Variants in PITPNC1 observed in about 807,000 individuals in gnomAD.
PITPNC1 encodes phosphatidylinositol transfer protein cytoplasmic 1.
A neutral mutation model predicts 44.7 loss-of-function variants in PITPNC1; 18 were observed. The ratio of observed to expected loss-of-function variants is 0.40; its 90% CI spans 0.28 to 0.60. The LOEUF (loss-of-function observed/expected upper bound fraction) is 0.60, where lower values mean the gene tolerates loss of function less well. Among genes scored for constraint, PITPNC1 ranks in the 20% least tolerant of loss-of-function variants. The pLI is 0.39. For missense variants in PITPNC1, 290 were observed against 418.4 expected (o/e 0.69, Z 2.68); for synonymous variants, 141 against 149.6 (o/e 0.94, Z 0.42).
At chr17:67,397,202 A>G (rs2143812513) in intron 1 of PITPNC1, among the ~76,000 whole-genome samples, 1 of 152,180 alleles carries the variant, frequency 6.6e-6, no homozygotes, top group Admixed American at 6.5e-5. Context: ...GCTGGTCTCG[A>G]ACTCCTGACC....
At chr17:67,647,464 G>GTTTTTTTTTTTTTTT (rs60407940) in intron 6 of PITPNC1, among the ~76,000 whole-genome samples, 3 of 72,326 alleles carry the variant, frequency 4.1e-5, no homozygotes, top group African/African-American at 1.3e-4. Flanking sequence ...CTAATTTTGG[G>GTTTTTTTTTTTTTTT]TTTTTTTTTT....
chr17:67,559,305 T>C (rs1466112926), intron 4 of PITPNC1, among the ~76,000 whole-genome samples: 1 of 151,848 alleles, frequency 6.6e-6, no homozygotes, highest in African/African-American at 2.4e-5. Context: ...TGTTAGGAAA[T>C]TAAAGAAAAA....
intron 6 of PITPNC1, among the ~76,000 whole-genome samples, chr17:67,666,791 A>G (rs1451025113): frequency 6.6e-6 from 1 of 152,182 alleles, no homozygotes; most frequent in Non-Finnish European, 1.5e-5. Context: ...CACCATAGCA[A>G]AAAGGTCCTA....
intron 1 of PITPNC1, among the ~76,000 whole-genome samples, chr17:67,423,949 C>G (rs1434213766): frequency 4.6e-5 from 7 of 152,098 alleles, no homozygotes; most frequent in Admixed American, 4.6e-4. Flanking sequence ...GAAAGTCACA[C>G]TTCTCTGAAA....
chr17:67,405,416 C>CA (rs11288377), intron 1 of PITPNC1, among the ~76,000 whole-genome samples: 1,855 of 133,270 alleles, frequency 0.014, 22 homozygotes, highest in Admixed American at 0.044. Context: ...GACCCTGTCT[C>CA]AAAAAAAAAA....
intron 5 of PITPNC1, among the ~76,000 whole-genome samples, chr17:67,598,386 C>T (rs756811423): frequency 3.3e-5 from 5 of 152,140 alleles, no homozygotes; most frequent in East Asian, 1.9e-4. Flanking sequence ...CCAACTAAGG[C>T]GAGGAATTTT....
At chr17:67,690,760 G>A (rs957882496) in intron 8 of PITPNC1, among the ~76,000 whole-genome samples, 1 of 152,050 alleles carries the variant, frequency 6.6e-6, no homozygotes, top group Admixed American at 6.6e-5. Context: ...TTCCCAGCAA[G>A]TAAAAATGGC....
At chr17:67,522,020 C>A (rs191385557) in intron 1 of PITPNC1, among the ~76,000 whole-genome samples, 1 of 152,064 alleles carries the variant, frequency 6.6e-6, no homozygotes, top group Non-Finnish European at 1.5e-5. Flanking sequence ...AAAGACCTCT[C>A]GGGCTGGGCA....
At chr17:67,627,786 C>G (rs183313876) in intron 5 of PITPNC1, among the ~76,000 whole-genome samples, 85 of 152,222 alleles carry the variant, frequency 5.6e-4, no homozygotes, top group South Asian at 5.2e-3. Flanking sequence ...TTTGAGCAAG[C>G]CTCTTTACTT....
intron 5 of PITPNC1, among the ~76,000 whole-genome samples, chr17:67,631,657 A>AAAAATATATATATATATAT (rs1555574522): frequency 7.8e-4 from 6 of 7,678 alleles, no homozygotes; most frequent in Non-Finnish European, 8.8e-4. Flanking sequence ...AAAAAAAAAA[A>AAAAATATATATATATATAT]ATATATATAT....
chr17:67,588,107 G>C (rs547408813), intron 5 of PITPNC1, among the ~76,000 whole-genome samples: 1 of 152,240 alleles, frequency 6.6e-6, no homozygotes, highest in South Asian at 2.1e-4. Context: ...AGGTTCAAAC[G>C]ATTCTATTGC....
intron 1 of PITPNC1, among the ~76,000 whole-genome samples, chr17:67,504,466 C>G (rs2040074982): frequency 6.6e-6 from 1 of 152,190 alleles, no homozygotes; most frequent in South Asian, 2.1e-4. Context: ...ATGTGTAAAA[C>G]TATTGAAGAA....
intron 1 of PITPNC1, among the ~76,000 whole-genome samples, chr17:67,411,543 G>A (rs903174156): frequency 2.0e-5 from 3 of 152,090 alleles, no homozygotes; most frequent in African/African-American, 4.8e-5. Flanking sequence ...GCATGAGTGA[G>A]GGCAGGAGAA....
chr17:67,476,685 A>C (rs1052004267), intron 1 of PITPNC1, among the ~76,000 whole-genome samples: 7 of 152,060 alleles, frequency 4.6e-5, no homozygotes, highest in Admixed American at 2.0e-4. Context: ...GGGTCTCACT[A>C]TGTTGCCCAG....
At chr17:67,456,689 G>T (rs929806526) in intron 1 of PITPNC1, among the ~76,000 whole-genome samples, 2 of 151,564 alleles carry the variant, frequency 1.3e-5, no homozygotes, top group Non-Finnish European at 2.9e-5. Context: ...ATTGTATTTT[G>T]TATTTTATTC....
intron 6 of PITPNC1, among the ~76,000 whole-genome samples, chr17:67,665,354 A>G (rs1017433073): frequency 1.3e-5 from 2 of 152,160 alleles, no homozygotes; most frequent in Non-Finnish European, 2.9e-5. Context: ...CAGCCTCCCA[A>G]AGTGCTAGGG....
At chr17:67,424,746 G>A (rs989906825) in intron 1 of PITPNC1, among the ~76,000 whole-genome samples, 2 of 152,018 alleles carry the variant, frequency 1.3e-5, no homozygotes, top group African/African-American at 2.4e-5. Context: ...TGCAGAGGTT[G>A]GAGTACAGTG....
intron 7 of PITPNC1, among the ~76,000 whole-genome samples, chr17:67,674,295 G>A (rs2042563690): frequency 6.6e-6 from 1 of 152,058 alleles, no homozygotes; most frequent in African/African-American, 2.4e-5. Context: ...CTCGAGGCCG[G>A]GAGTTTGAGA....
intron 6 of PITPNC1, among the ~76,000 whole-genome samples, chr17:67,661,522 C>G (rs2042347082): frequency 6.6e-6 from 1 of 152,158 alleles, no homozygotes; most frequent in African/African-American, 2.4e-5. Context: ...CTGAAGGAAG[C>G]TCAGGGAACC....
Sources: gnomAD v4.1 joint callset for allele counts (sites outside exome capture counted in the v4.1 genomes callset) on GRCh38, gnomAD v4.1.1 for gene constraint, MANE v1.5 for transcripts, NCBI Gene and HGNC (gene_info 2026-07-23, HGNC 2026-07-21) for gene names.